Variants in ODF2L observed in about 807,000 individuals in gnomAD.
ODF2L encodes outer dense fiber of sperm tails 2 like, also known as protein BCAP.
Under a neutral mutation model 86.3 loss-of-function variants are expected in ODF2L, and 76 were observed. The observed-to-expected ratio is 0.88, with a 90% confidence interval of 0.73 to 1.07. The LOEUF is 1.07. Among genes scored for constraint, ODF2L ranks in the 50% least tolerant of loss-of-function variants. The probability of loss-of-function intolerance (pLI) is 0.00; values close to 1 mark genes in which losing one functional copy is unlikely to be tolerated. For missense variants in ODF2L, 748 were observed against 717.4 expected (o/e 1.04, Z -0.49); for synonymous variants, 241 against 231.3 (o/e 1.04, Z -0.38).
At chr1:86,357,471 T>G (rs1658666763) in intron 13 of ODF2L, among the ~76,000 whole-genome samples, 1 of 151,736 alleles carries the variant, frequency 6.6e-6, no homozygotes, top group Admixed American at 6.6e-5. Context: ...GACTGCTCCT[T>G]TAAAAAAAAT....
chr1:86,348,889 A>C, downstream of ODF2L: 1 of 1,551,776 alleles, frequency 6.4e-7, no homozygotes, highest in Non-Finnish European at 8.6e-7. Context: ...CTAAAGAAAA[A>C]AGGAAAAAAA....
chr1:86,382,297 T>C, exon 7 of ODF2L: 1 of 1,612,616 alleles, frequency 6.2e-7, no homozygotes. Flanking sequence ...AATTTGGATC[T>C]GTAGTCGTTC....
At chr1:86,373,312 T>G (rs1659939602) in intron 8 of ODF2L, among the ~76,000 whole-genome samples, 2 of 150,168 alleles carry the variant, frequency 1.3e-5, no homozygotes, top group African/African-American at 4.9e-5. Flanking sequence ...TTTTTTTTTT[T>G]GCCCTGGCTG....
At chr1:86,354,673 C>A (rs370305366) in exon 16 of ODF2L, 9 of 1,609,356 alleles carry the variant, frequency 5.6e-6, no homozygotes, top group Admixed American at 5.0e-5. Flanking sequence ...TTATTTTCTG[C>A]GTCCATCTGT....
At chr1:86,369,873 T>C (rs926920835) in intron 10 of ODF2L, among the ~76,000 whole-genome samples, 1 of 152,164 alleles carries the variant, frequency 6.6e-6, no homozygotes, top group African/African-American at 2.4e-5. Context: ...GTATCTCAAG[T>C]TTCCATCAGA....
intron 1 of ODF2L, among the ~76,000 whole-genome samples, chr1:86,394,654 A>C (rs1050334616): frequency 2.0e-5 from 3 of 152,114 alleles, no homozygotes; most frequent in Non-Finnish European, 4.4e-5. Context: ...CATTGTTCTA[A>C]AGTTTGTCAC....
chr1:86,389,686 A>C (rs1661183550), intron 1 of ODF2L, among the ~76,000 whole-genome samples: 1 of 152,136 alleles, frequency 6.6e-6, no homozygotes, highest in African/African-American at 2.4e-5. Flanking sequence ...AAATAAGCTC[A>C]ATTAGAAATG....
intron 11 of ODF2L, among the ~76,000 whole-genome samples, chr1:86,366,295 T>C (rs1249870312): frequency 6.6e-6 from 1 of 151,742 alleles, no homozygotes; most frequent in East Asian, 1.9e-4. Flanking sequence ...GGCTCACACC[T>C]GTAATCCCAG....
intron 1 of ODF2L, among the ~76,000 whole-genome samples, chr1:86,390,860 G>C (rs1570443163): frequency 6.6e-6 from 1 of 152,118 alleles, no homozygotes; most frequent in South Asian, 2.1e-4. Context: ...AAGAAATAAA[G>C]GGCATCCAAA....
Position 86,372,446 on chromosome 1 carries a change from AT to A in ODF2L, c.904del (p.Ile302LeufsTer4), listed in dbSNP as rs1319389700. 1 of 1,428,526 alleles carries A rather than the reference AT, an allele frequency of 7.0e-7. No homozygotes were observed. The highest frequency in any genetic ancestry group is 9.4e-7 in the Non-Finnish European group (1 of 1,069,332). The allele number at this position is 1,428,526 out of a possible 1,614,324, so 88.5% of individuals were successfully genotyped here. On this transcript the variant is annotated frameshift_variant, in exon 9 of 18. Coordinates refer to ENST00000317336, the Ensembl canonical transcript of ODF2L. LOFTEE classifies it high-confidence loss of function. The stretch of plus-strand genomic sequence containing the variant: ...TTTTTCTTACTTTTTCATTGTTTCA[AT>A]CTGTACTTCCAATTCGGTTTTTTCT...
intron 8 of ODF2L, among the ~76,000 whole-genome samples, chr1:86,373,859 G>A (rs1303202052): frequency 6.6e-6 from 1 of 152,266 alleles, no homozygotes; most frequent in East Asian, 1.9e-4. Context: ...TATTCATTTT[G>A]AATGTGAACT....
At chr1:86,356,326 G>A (rs980701664) in intron 14 of ODF2L, 118 bp downstream of exon 13, 8 of 695,588 alleles carry the variant, frequency 1.2e-5, no homozygotes, top group East Asian at 2.7e-5. Context: ...GATGTTTTAC[G>A]AACTAAGTAG....
At chr1:86,346,961 T>C (rs912477438), downstream of ODF2L, 4 of 152,228 alleles carry the variant, frequency 2.6e-5, no homozygotes, top group Admixed American at 2.6e-4. Flanking sequence ...CTTGGGCAAG[T>C]TACCTAACCT....
chr1:86,382,667 C>A (rs1306231364), intron 6 of ODF2L, among the ~76,000 whole-genome samples: 1 of 151,906 alleles, frequency 6.6e-6, no homozygotes, highest in African/African-American at 2.4e-5. Flanking sequence ...TGTTCCCCAA[C>A]TGAAACACAA....
intron 1 of ODF2L, among the ~76,000 whole-genome samples, chr1:86,395,223 T>G (rs1294354932): frequency 2.0e-5 from 3 of 152,206 alleles, no homozygotes; most frequent in Non-Finnish European, 4.4e-5. Flanking sequence ...GAAACCGTAC[T>G]ATGCGTTGCG....
At chr1:86,347,626 G>A (rs1314889806), downstream of ODF2L, 2 of 152,080 alleles carry the variant, frequency 1.3e-5, no homozygotes, top group East Asian at 3.9e-4. Flanking sequence ...GGATCAGAGG[G>A]GACCAGGCCC....
At chr1:86,354,782 G>A (rs771624142) in exon 15 of ODF2L, 2 of 1,586,560 alleles carry the variant, frequency 1.3e-6, no homozygotes, top group African/African-American at 1.3e-5. Flanking sequence ...ACTGTTGAAG[G>A]TTTTCACACT....
intron 12 of ODF2L, 85 bp from the exon 12 acceptor site, chr1:86,358,976 C>T: frequency 3.0e-6 from 2 of 659,054 alleles, no homozygotes; most frequent in Non-Finnish European, 5.0e-6. Context: ...TCATTTTAAA[C>T]AAGTCATTAT....
intron 1 of ODF2L, among the ~76,000 whole-genome samples, chr1:86,387,447 C>A (rs1661034278): frequency 6.6e-6 from 1 of 152,134 alleles, no homozygotes; most frequent in Non-Finnish European, 1.5e-5. Context: ...TTATTAGGCC[C>A]ATGCCATAAG....
Sources: gnomAD v4.1 joint callset for allele counts (sites outside exome capture counted in the v4.1 genomes callset) on GRCh38, gnomAD v4.1.1 for gene constraint, MANE v1.5 for transcripts, NCBI Gene and HGNC (gene_info 2026-07-23, HGNC 2026-07-21) for gene names.